Variants in CCDC144A observed in about 807,000 individuals in gnomAD.
CCDC144A encodes the protein coiled-coil domain containing 144A.
A neutral mutation model predicts 143.8 loss-of-function variants in CCDC144A; 41 were observed. The ratio of observed to expected loss-of-function variants is 0.29; its 90% CI spans 0.22 to 0.37. The LOEUF (loss-of-function observed/expected upper bound fraction) is 0.37, where lower values mean the gene tolerates loss of function less well. CCDC144A is among the 10% of genes least tolerant of loss of function. CCDC144A has a pLI of 1.00. For missense variants in CCDC144A, 637 were observed against 1,488.8 expected (o/e 0.43, Z 9.41); for synonymous variants, 242 against 517.9 (o/e 0.47, Z 7.23).
At chr17:16,759,353 C>G (rs1384883059) in intron 12 of CCDC144A, among the ~76,000 whole-genome samples, 1 of 152,176 alleles carries the variant, frequency 6.6e-6, no homozygotes, top group African/African-American at 2.4e-5. Flanking sequence ...TGTCATTACT[C>G]AACACATATC....
upstream of CCDC144A, among the ~76,000 whole-genome samples, chr17:16,685,831 G>T (rs1485977217): frequency 5.9e-5 from 9 of 151,878 alleles, no homozygotes; most frequent in African/African-American, 1.9e-4. Context: ...GAGTGGAATG[G>T]TGCCGTCTCA....
chr17:16,705,596 A>C (rs532758317), intron 3 of CCDC144A, 197 bp downstream of exon 3: 27 of 576,314 alleles, frequency 4.7e-5, no homozygotes, highest in African/African-American at 4.5e-4. Context: ...ACAGAGAATT[A>C]GGGGAAAGCA....
chr17:16,729,833 G>A (rs1430388046), intron 9 of CCDC144A, among the ~76,000 whole-genome samples: 1 of 147,306 alleles, frequency 6.8e-6, no homozygotes, highest in Non-Finnish European at 1.5e-5. Flanking sequence ...CTCCAGCCTG[G>A]GTGACAGAGC....
the CCDC144A span, among the ~76,000 whole-genome samples, chr17:16,678,030 G>C: frequency 6.6e-6 from 1 of 152,106 alleles, no homozygotes; most frequent in East Asian, 1.9e-4. Context: ...ACTCTACTCA[G>C]AATGAATTTG....
chr17:16,747,971 G>A (rs1390845563), intron 12 of CCDC144A, among the ~76,000 whole-genome samples: 1 of 152,202 alleles, frequency 6.6e-6, no homozygotes, highest in East Asian at 1.9e-4. Flanking sequence ...TACATACGGT[G>A]AGAGTGGGCA....
chr17:16,746,016 T>C (rs1018755293), intron 12 of CCDC144A: 14 of 1,611,792 alleles, frequency 8.7e-6, no homozygotes, highest in African/African-American at 1.3e-5. Context: ...TTGAGATCTC[T>C]CCACATCCCT....
intron 12 of CCDC144A, among the ~76,000 whole-genome samples, chr17:16,752,460 G>A (rs937382126): frequency 6.6e-6 from 1 of 151,864 alleles, no homozygotes; most frequent in African/African-American, 2.4e-5. Flanking sequence ...GGCATTGTGA[G>A]AGAGAAAGCT....
Position 16,746,240 on chromosome 17 carries a change from A to G in CCDC144A, c.3372+10597A>G. 4.6e-6 allele frequency: 6 copies of G among 1,298,906 alleles called. No homozygotes were observed. The South Asian group carries it at 8.5e-5, about 18-fold the overall frequency. The allele number at this position is 1,298,906 out of a possible 1,614,324, so 80.5% of individuals were successfully genotyped here. On this transcript the variant is annotated intron_variant, in intron 12 of 16. Coordinates refer to ENST00000399273, the MANE Select transcript of CCDC144A (RefSeq NM_001382000.1). ...GCTTAATCCTTACTTCTTTCTCTGC[A>G]ATTTTCTTCTGTTTATCTGTCTCTC...
chr17:16,774,937 C>G lies in CCDC144A; in HGVS notation c.*1304C>G, dbSNP rs1406988168. 4 of 149,620 alleles carry G rather than the reference C, an allele frequency of 2.7e-5. No homozygotes were observed. The highest frequency in any genetic ancestry group is 2.6e-4 in the Admixed American group (4 of 15,112). 9.3% of individuals were successfully genotyped at this position (149,620 alleles called of 1,614,324 possible). On this transcript the variant is annotated 3_prime_UTR_variant, in exon 17 of 17. Coordinates refer to ENST00000399273, the MANE Select transcript of CCDC144A (RefSeq NM_001382000.1). ...GTCCATGTGTTCTCATTATTCAGCT[C>G]CCACTTGTAAGTGAGAGCATGCAGT... is the stretch of plus-strand genomic sequence containing the variant.
rs1195113885 is a variant in CCDC144A at position 16,718,248 on chromosome 17, C to T, written c.1716-1950C>T. 3.9e-5 allele frequency among the ~76,000 whole-genome samples: 6 copies of T among 151,948 alleles called. No individual in the cohort carries two copies. The South Asian group carries it at 6.2e-4, about 16-fold the overall frequency. On this transcript the variant is annotated intron_variant, in intron 6 of 16. Transcript: ENST00000399273. The stretch of plus-strand genomic sequence containing the variant: ...AAGCATAGATACCCCTTGAGGGAAC[C>T]GTTATTGGGAAAGGCAACAGAGAAA...
intron 5 of CCDC144A, chr17:16,710,073 C>A (rs1406733381): frequency 5.2e-6 from 1 of 194,092 alleles, no homozygotes; most frequent in Non-Finnish European, 1.1e-5. Context: ...GGCGTGGTGG[C>A]AAACACCTGT....
intron 3 of CCDC144A, 164 bp downstream of exon 3, chr17:16,705,563 T>G: frequency 4.6e-6 from 3 of 650,258 alleles, no homozygotes; most frequent in Non-Finnish European, 8.1e-6. Flanking sequence ...TGTTCTTCCT[T>G]TAACCAAAGC....
chr17:16,689,320 G>A (rs1415154561), upstream of CCDC144A, among the ~76,000 whole-genome samples: 4 of 151,910 alleles, frequency 2.6e-5, no homozygotes, highest in Non-Finnish European at 5.9e-5. Flanking sequence ...CTCAGCCTCT[G>A]GAGTAGCTGG....
intron 13 of CCDC144A, among the ~76,000 whole-genome samples, chr17:16,761,953 A>T (rs1597592478): frequency 6.6e-6 from 1 of 152,264 alleles, no homozygotes; most frequent in Non-Finnish European, 1.5e-5. Flanking sequence ...TACTAAAGCC[A>T]GTTGGCATAA....
intron 2 of CCDC144A, among the ~76,000 whole-genome samples, chr17:16,698,985 CT>C (rs1433663474): frequency 6.6e-6 from 1 of 152,188 alleles, no homozygotes; most frequent in Non-Finnish European, 1.5e-5. Context: ...GTGCAGTTCC[CT>C]TTTCATTTAC....
At position 16,709,551 on chromosome 17, in the gene CCDC144A, C is replaced by T; in HGVS notation, c.1494C>T (p.Asp498=). 7 of 1,611,626 alleles carry T rather than the reference C, an allele frequency of 4.3e-6. No individual in the cohort carries two copies. Among genetic ancestry groups the T allele is most frequent in the Non-Finnish European group, 4.2e-6 (5 of 1,179,636 alleles). ...EVYLHEELQQ[D]MQKFKNEVNT... is the part of the protein sequence containing the mutation. ...ATCTACATGAAGAATTACAGCAAGA[C>T]ATGCAAAAGTTTAAGAATGAGGTCA... The change falls in exon 5 of 17, where the codon GAC becomes GAT. Residue 498 remains aspartate, a synonymous_variant. Coordinates refer to ENST00000399273, the MANE Select transcript of CCDC144A (RefSeq NM_001382000.1).
intron 12 of CCDC144A, among the ~76,000 whole-genome samples, chr17:16,752,209 C>G (rs1275726682): frequency 1.3e-5 from 2 of 152,162 alleles, no homozygotes; most frequent in African/African-American, 4.8e-5. Flanking sequence ...CTCATAGGAG[C>G]GCGAGCCGTG....
intron 8 of CCDC144A, among the ~76,000 whole-genome samples, chr17:16,726,794 G>T (rs1319679722): frequency 6.7e-6 from 1 of 150,246 alleles, no homozygotes; most frequent in Non-Finnish European, 1.5e-5. Context: ...CTCCTTTCCG[G>T]TGTTCTGTTT....
In CCDC144A at chr17:16,777,233, A is replaced by C. The variant is rs1597603319; in HGVS notation, c.*3600A>C. ...TAAAACAATTACTACTAGACATAAG[A>C]AATGAGGTAGTTGGCAACACAATAA... On this transcript the variant is annotated 3_prime_UTR_variant, in exon 17 of 17. Coordinates refer to ENST00000399273, the MANE Select transcript of CCDC144A (RefSeq NM_001382000.1). The C allele has an allele frequency of 6.9e-6, 1 of 143,962 alleles. No homozygotes were observed. Among genetic ancestry groups the C allele is most frequent in the Admixed American group, 6.9e-5 (1 of 14,408 alleles). 8.9% of individuals were successfully genotyped at this position (143,962 alleles called of 1,614,324 possible). A position where few individuals can be genotyped will look rare whatever the true frequency, so the allele number is the denominator to read the frequency against.
Sources: gnomAD v4.1 joint callset for allele counts (sites outside exome capture counted in the v4.1 genomes callset) on GRCh38, gnomAD v4.1.1 for gene constraint, MANE v1.5 for transcripts, NCBI Gene and HGNC (gene_info 2026-07-23, HGNC 2026-07-21) for gene names.